The following MLXIP variants were observed in gnomAD, a reference collection of about 807,000 sequenced individuals.
MLXIP encodes the protein MLX-interacting protein.
Under a neutral mutation model 87.2 loss-of-function variants are expected in MLXIP, and 30 were observed. The ratio of observed to expected loss-of-function variants is 0.34; its 90% CI spans 0.26 to 0.47. MLXIP has a LOEUF of 0.47. MLXIP is among the 20% of genes least tolerant of loss of function. MLXIP has a pLI of 1.00. For synonymous variants in MLXIP, 530 were observed against 514.0 expected (o/e 1.03, Z -0.42); for missense variants, 1,002 against 1,240.1 (o/e 0.81, Z 2.88).
intron 1 of MLXIP, among the ~76,000 whole-genome samples, chr12:122,088,565 C>T (rs1225751385): frequency 2.0e-5 from 3 of 152,152 alleles, no homozygotes; most frequent in Admixed American, 6.6e-5. Context: ...GAAAAAGCTC[C>T]TACAAGAAGA....
At position 122,138,820 on chromosome 12, in the gene MLXIP, G is replaced by T. The variant is rs1282527497; in HGVS notation, c.2390G>T (p.Cys797Phe). 3.1e-6 allele frequency: 5 copies of T among 1,613,498 alleles called. No individual in the cohort carries two copies. Among genetic ancestry groups the T allele is most frequent in the East Asian group, 4.5e-5 (2 of 44,872 alleles). ...IEELNATIIS[C>F]QQLLPATGVP... ...CACGGCTCCTGTCATTTCAGCTCCT[G>T]CCAGCAGCTGCTCCCTGCCACGGGA... is the stretch of plus-strand genomic sequence containing the variant. The change falls in exon 15 of 17, where the codon TGC becomes TTC. Residue 797 changes from cysteine (C) to phenylalanine (F), a missense_variant. Physicochemically the swap from Cys to Phe is radical, Grantham distance 205. This residue lies in a region of MLXIP where 746 missense variants were observed against 897.0 expected (regional missense o/e 0.83). Coordinates refer to ENST00000319080, the MANE Select transcript of MLXIP (RefSeq NM_014938.6).
intron 15 of MLXIP, among the ~76,000 whole-genome samples, chr12:122,139,193 G>C (rs1953152317): frequency 6.6e-6 from 1 of 152,134 alleles, no homozygotes; most frequent in African/African-American, 2.4e-5. Flanking sequence ...TCGCTCTCTA[G>C]GTCCTTAAGA....
chr12:122,094,929 GGT>G (rs1952326276), intron 1 of MLXIP, among the ~76,000 whole-genome samples: 2 of 146,902 alleles, frequency 1.4e-5, no homozygotes, highest in African/African-American at 2.5e-5. Flanking sequence ...GTCTGGTGTT[GGT>G]GTGTGATTGT....
rs1953198586 is a variant in MLXIP at position 122,141,276 on chromosome 12, TCCCAGCTTGTTCAGA to T, written c.2638+203_2638+217del. 4 of 360,198 alleles carry T rather than the reference TCCCAGCTTGTTCAGA, an allele frequency of 1.1e-5. No individual in the cohort carries two copies. The South Asian group carries it at 4.5e-4, about 41-fold the overall frequency. 22.3% of individuals were successfully genotyped at this position (360,198 alleles called of 1,614,324 possible). ...CAGGAGGCTCCTGCCCTTTTGTGTC[TCCCAGCTTGTTCAGA>T]CCCAGCTTGCATGGATCTAGTGCCA... On this transcript the variant is annotated intron_variant, in intron 16 of 16. Coordinates refer to ENST00000319080, the MANE Select transcript of MLXIP (RefSeq NM_014938.6).
Position 122,146,050 on chromosome 12 carries a change from C to G in MLXIP, c.*4238C>G, listed in dbSNP as rs1953295368. ...ACCTGCTCCCCGGCCCCAGAGGAACCCACCTGTTTTGGAGCTCAGCTTGGC... is the reference window on the plus strand; with the variant it reads ...ACCTGCTCCCCGGCCCCAGAGGAACGCACCTGTTTTGGAGCTCAGCTTGGC... On this transcript the variant is annotated 3_prime_UTR_variant, in exon 17 of 17. Coordinates refer to ENST00000319080, the MANE Select transcript of MLXIP (RefSeq NM_014938.6). The G allele has an allele frequency of 6.6e-6, 1 of 152,412 alleles. No homozygotes were observed. The highest frequency in any genetic ancestry group is 2.1e-4 in the South Asian group (1 of 4,838). 9.4% of individuals were successfully genotyped at this position (152,412 alleles called of 1,614,324 possible).
chr12:122,124,726 A>G lies in MLXIP; in HGVS notation c.414-2530A>G, dbSNP rs576882746. Among the ~76,000 whole-genome samples, 4 of 149,890 alleles carry G rather than the reference A, an allele frequency of 2.7e-5. No individual in the cohort carries two copies. The East Asian group carries it at 5.9e-4, about 22-fold the overall frequency. ...CTATGTACTCATAAAAATCAAAACA[A>G]TTTTTTTTTTAATTATGCCTTTTGC... On this transcript the variant is annotated intron_variant, in intron 1 of 16. Transcript: ENST00000319080.
In MLXIP at chr12:122,141,683, T is replaced by A; in HGVS notation, c.2639-8T>A. On this transcript the variant is annotated splice_region_variant and splice_polypyrimidine_tract_variant and intron_variant, in intron 16 of 16. Coordinates refer to ENST00000319080, the MANE Select transcript of MLXIP (RefSeq NM_014938.6). Reference sequence around the variant, plus strand: ...CACTGCCTGTGTCTGACCCTTTCTGTCTTGCAGTGGTATTGAGCACGCTGC... The same window carrying A: ...CACTGCCTGTGTCTGACCCTTTCTGACTTGCAGTGGTATTGAGCACGCTGC... The A allele has an allele frequency of 6.2e-7, 1 of 1,613,312 alleles. No homozygotes were observed. The highest frequency in any genetic ancestry group is 8.5e-7 in the Non-Finnish European group (1 of 1,179,636).
At chr12:122,129,367 G>GTGC (rs1256361908) in intron 4 of MLXIP, 141 bp downstream of exon 4, 2 of 927,976 alleles carry the variant, frequency 2.2e-6, no homozygotes, top group African/African-American at 3.3e-5. Flanking sequence ...GGGGCCCAGC[G>GTGC]TGCCAGACTA....
Position 122,133,976 on chromosome 12 carries a change from G to T in MLXIP, c.1721G>T (p.Arg574Leu), listed in dbSNP as rs369483429. 3.8e-6 allele frequency: 6 copies of T among 1,598,552 alleles called. No individual in the cohort carries two copies. The East Asian group carries it at 9.0e-5, about 24-fold the overall frequency. Residue 574 changes from arginine (R) to leucine (L), a missense_variant, in exon 9 of 17, where the codon CGT (arginine) becomes CTT (leucine). Arg to Leu is a moderately radical substitution (Grantham distance 102, BLOSUM62 -2). This residue lies in a region of MLXIP where 746 missense variants were observed against 897.0 expected (regional missense o/e 0.83). Coordinates refer to ENST00000319080, the MANE Select transcript of MLXIP (RefSeq NM_014938.6). This position sits in a 1 kb window ranked among gnomAD's most constrained non-coding sequence, Gnocchi z 4.9. ...GTGTCCTTGGTGTTGAAGAATGCCCGTATCGCCCCAGGTGAGCCAGGCGGG... is the reference window on the plus strand; with the variant it reads ...GTGTCCTTGGTGTTGAAGAATGCCCTTATCGCCCCAGGTGAGCCAGGCGGG... The part of the protein sequence containing the change: ...EPVSLVLKNA[R>L]IAPAAFSGQP...
At chr12:122,112,290 A>G (rs1246400288) in intron 1 of MLXIP, among the ~76,000 whole-genome samples, 1 of 152,228 alleles carries the variant, frequency 6.6e-6, no homozygotes, top group African/African-American at 2.4e-5. Context: ...GTAAAGAACT[A>G]AATTGATTTT....
At chr12:122,081,908 C>G (rs934371780) in intron 1 of MLXIP, among the ~76,000 whole-genome samples, 2 of 152,240 alleles carry the variant, frequency 1.3e-5, no homozygotes, top group Non-Finnish European at 2.9e-5. Context: ...AGCTGTCTAA[C>G]TCTCCGTGGT....
chr12:122,081,322 C>T (rs984194529), intron 1 of MLXIP, among the ~76,000 whole-genome samples: 1 of 152,190 alleles, frequency 6.6e-6, no homozygotes, highest in African/African-American at 2.4e-5. Context: ...CATGAAGATG[C>T]CCTTTGTCTG....
intron 1 of MLXIP, among the ~76,000 whole-genome samples, chr12:122,088,497 A>G (rs1018083338): frequency 6.6e-6 from 1 of 152,168 alleles, no homozygotes; most frequent in African/African-American, 2.4e-5. Flanking sequence ...ATCCGCCTTT[A>G]AGTCTCGGAA....
rs35008805 is a variant in MLXIP at position 122,121,140 on chromosome 12, G to T, written c.414-6116G>T. 8.6e-3 allele frequency among the ~76,000 whole-genome samples: 1,292 copies of T among 150,380 alleles called. 19 individuals are homozygous for T. The highest frequency in any genetic ancestry group is 0.019 in the African/African-American group (758 of 40,870). ...TTCCCCTGCCTCAGCCTCCCAAGTA[G>T]GTGGGACTACAGATGCATGCCACCA... On this transcript the variant is annotated intron_variant, in intron 1 of 16. Transcript: ENST00000319080.
At chr12:122,140,555 A>G (rs1054744180) in intron 15 of MLXIP, among the ~76,000 whole-genome samples, 5 of 151,950 alleles carry the variant, frequency 3.3e-5, no homozygotes, top group Non-Finnish European at 7.4e-5. Context: ...CAGCCCCCCA[A>G]AGTGCTGGGA....
chr12:122,111,250 A>G (rs1039875486), intron 1 of MLXIP, among the ~76,000 whole-genome samples: 2 of 152,136 alleles, frequency 1.3e-5, no homozygotes, highest in African/African-American at 4.8e-5. Flanking sequence ...GTTTTTTGTC[A>G]GTCTTCATAG....
intron 1 of MLXIP, among the ~76,000 whole-genome samples, chr12:122,121,031 A>G (rs1311863812): frequency 1.3e-4 from 2 of 15,368 alleles, no homozygotes; most frequent in East Asian, 3.8e-3. Context: ...TTTTTTTTGA[A>G]ACGGTGTCTC....
At chr12:122,138,595 G>T in intron 14 of MLXIP, 44 bp downstream of exon 14, 1 of 1,580,872 alleles carries the variant, frequency 6.3e-7, no homozygotes, top group Non-Finnish European at 8.6e-7. Flanking sequence ...ACCCCATCCC[G>T]ATGCAGGGCC....
In MLXIP at chr12:122,145,069, T is replaced by C. The variant is rs181275001; in HGVS notation, c.*3257T>C. On this transcript the variant is annotated 3_prime_UTR_variant, in exon 17 of 17. Transcript: ENST00000319080. ...GGGCAGGCGCCACTGAGGGCTTTTC[T>C]TGGAGTCGGCCAGCAGGCCACGCAG... 6.6e-4 allele frequency: 100 copies of C among 152,408 alleles called. No individual in the cohort carries two copies. In the East Asian group the frequency reaches 0.013, roughly 21 times the overall value. 9.4% of individuals were successfully genotyped at this position (152,408 alleles called of 1,614,324 possible). A position where few individuals can be genotyped will look rare whatever the true frequency, so the allele number is the denominator to read the frequency against.
Sources: gnomAD v4.1 joint callset for allele counts (sites outside exome capture counted in the v4.1 genomes callset) on GRCh38, gnomAD v4.1.1 for gene constraint, gnomAD v4.1.1 regional missense constraint, Gnocchi (gnomAD v3.1) non-coding constraint, MANE v1.5 for transcripts, NCBI Gene and HGNC (gene_info 2026-07-23, HGNC 2026-07-21) for gene names.